POC1B: variants seen among roughly 807,000 people sequenced by gnomAD.
The protein encoded by POC1B is POC1 centriolar protein B, also known as POC1 centriolar protein homolog B.
POC1B carries 44 observed loss-of-function variants against 60.6 expected under a neutral mutation model. The ratio of observed to expected loss-of-function variants is 0.73; its 90% CI spans 0.57 to 0.93. The LOEUF is 0.93. Ranked by LOEUF, POC1B falls within the 40% of genes least tolerant of loss-of-function variation. The probability of loss-of-function intolerance (pLI) is 0.00; values close to 1 mark genes in which losing one functional copy is unlikely to be tolerated. For missense variants in POC1B, 555 were observed against 572.3 expected, an observed-to-expected ratio of 0.97 and a Z score of 0.31; for synonymous variants, 180 against 198.9, an observed-to-expected ratio of 0.90 and a Z score of 0.80.
At chr12:89,503,126 C>T (rs527246956) in intron 2 of POC1B, among the ~76,000 whole-genome samples, 12 of 138,952 alleles carry the variant, frequency 8.6e-5, no homozygotes, top group African/African-American at 2.8e-4. Flanking sequence ...CCCACGGTCT[C>T]CCTCTCCCTC....
intron 2 of POC1B, among the ~76,000 whole-genome samples, chr12:89,499,930 C>CT (rs1869462904): frequency 6.6e-6 from 1 of 152,244 alleles, no homozygotes; most frequent in African/African-American, 2.4e-5. Context: ...TGGCGCACGC[C>CT]TTCCAGATCG....
At chr12:89,525,771 G>A (rs1871422344) in intron 1 of POC1B, 110 bp downstream of exon 1, 2 of 1,365,368 alleles carry the variant, frequency 1.5e-6, no homozygotes, top group African/African-American at 3.0e-5. Context: ...ACCCGGCTAC[G>A]GACACCTGCC....
intron 2 of POC1B, chr12:89,523,517 C>A (rs1178273799): frequency 1.2e-6 from 2 of 1,608,612 alleles, no homozygotes; most frequent in South Asian, 1.1e-5. Context: ...CACTGCCACA[C>A]CCTAAAAGAC....
intron 2 of POC1B, chr12:89,501,033 AG>A (rs370613486): frequency 3.1e-5 from 32 of 1,036,270 alleles, no homozygotes; most frequent in Middle Eastern, 2.6e-4. Flanking sequence ...GTCAGATCAA[AG>A]TTTTGCCAGT....
At chr12:89,407,412 T>C in the POC1B span, among the ~76,000 whole-genome samples, 3 of 151,852 alleles carry the variant, frequency 2.0e-5, no homozygotes, top group Non-Finnish European at 4.4e-5. Flanking sequence ...TTTTTTTGTA[T>C]TTTTAGTAGA....
chr12:89,402,769 T>C, the POC1B span, among the ~76,000 whole-genome samples: 1 of 152,212 alleles, frequency 6.6e-6, no homozygotes, highest in African/African-American at 2.4e-5. Context: ...AGACAAGGTC[T>C]CGCTCTTTCA....
the POC1B span, among the ~76,000 whole-genome samples, chr12:89,402,725 G>C: frequency 7.2e-5 from 11 of 152,104 alleles, no homozygotes; most frequent in Non-Finnish European, 1.5e-5. Context: ...TGGTTGCATA[G>C]TATTCTATGG....
At chr12:89,467,558 T>C in intron 8 of POC1B, 59 bp downstream of exon 8, 2 of 1,397,726 alleles carry the variant, frequency 1.4e-6, no homozygotes, top group South Asian at 2.5e-5. Flanking sequence ...AACTCTTAGC[T>C]GAGGTCAAGG....
downstream of POC1B, among the ~76,000 whole-genome samples, chr12:89,415,930 C>T (rs1356757875): frequency 3.3e-5 from 5 of 152,208 alleles, no homozygotes; most frequent in Non-Finnish European, 5.9e-5. Context: ...CCCACTTAGC[C>T]CCAAATATCG....
chr12:89,511,212 C>G (rs1001450101), intron 2 of POC1B, among the ~76,000 whole-genome samples: 10 of 151,852 alleles, frequency 6.6e-5, no homozygotes, highest in Non-Finnish European at 1.5e-4. Context: ...CACCTGAGGT[C>G]AGGAGTTCGA....
chr12:89,413,243 T>C, the POC1B span, among the ~76,000 whole-genome samples: 2 of 152,152 alleles, frequency 1.3e-5, no homozygotes, highest in African/African-American at 4.8e-5. Flanking sequence ...TCTCACTATG[T>C]CACCCAGGCT....
chr12:89,452,225 A>G (rs921932857), intron 10 of POC1B, among the ~76,000 whole-genome samples: 4 of 152,098 alleles, frequency 2.6e-5, no homozygotes, highest in African/African-American at 9.7e-5. Flanking sequence ...GACAGTCGGT[A>G]TTACTGCAGT....
In POC1B at chr12:89,503,146, A is replaced by G. The variant is rs1374256483; in HGVS notation, c.101-5804T>C. On this transcript the variant is annotated intron_variant, in intron 2 of 11. Transcript: ENST00000313546. ...GGTCTCCCTCTCCCTCTCTTTCCACAGTCTCCCTCTGATGCCCAGCCGAAG... is the reference window on the plus strand; with the variant it reads ...GGTCTCCCTCTCCCTCTCTTTCCACGGTCTCCCTCTGATGCCCAGCCGAAG... Among the ~76,000 whole-genome samples, 9 of 151,576 alleles carry G rather than the reference A, an allele frequency of 5.9e-5. No homozygotes were observed. In the East Asian group the frequency reaches 1.6e-3, roughly 26 times the overall value.
At chr12:89,518,974 G>C (rs1422768563) in intron 2 of POC1B, among the ~76,000 whole-genome samples, 1 of 152,174 alleles carries the variant, frequency 6.6e-6, no homozygotes, top group Non-Finnish European at 1.5e-5. Flanking sequence ...AGAGACAGGG[G>C]TATAGGGATT....
chr12:89,499,865 T>C (rs1467719286), intron 2 of POC1B, among the ~76,000 whole-genome samples: 2 of 152,256 alleles, frequency 1.3e-5, no homozygotes, highest in African/African-American at 4.8e-5. Context: ...AACACTGCTT[T>C]AAAAAGACAT....
intron 10 of POC1B, among the ~76,000 whole-genome samples, chr12:89,435,179 CT>C (rs56061239): frequency 0.65 from 73,544 of 113,436 alleles, 22,302 homozygotes; most frequent in South Asian, 0.72. Context: ...GAATGACATT[CT>C]TTTTTTTTTT....
At chr12:89,464,822 A>G (rs1882625286) in intron 9 of POC1B, among the ~76,000 whole-genome samples, 1 of 151,834 alleles carries the variant, frequency 6.6e-6, no homozygotes, top group African/African-American at 2.4e-5. Context: ...AAAAAAAGAA[A>G]CAATTACAAC....
intron 10 of POC1B, among the ~76,000 whole-genome samples, chr12:89,450,773 C>T (rs1882006937): frequency 6.6e-6 from 1 of 152,080 alleles, no homozygotes; most frequent in South Asian, 2.1e-4. Flanking sequence ...GTTGTTATTA[C>T]AAACAGTATT....
chr12:89,522,120 T>G, intron 2 of POC1B: 1 of 398,990 alleles, frequency 2.5e-6, no homozygotes, highest in Non-Finnish European at 4.4e-6. Context: ...TATTAATATA[T>G]ACATCAGTGA....
Sources: gnomAD v4.1 joint callset for allele counts (sites outside exome capture counted in the v4.1 genomes callset) on GRCh38, gnomAD v4.1.1 for gene constraint, MANE v1.5 for transcripts, NCBI Gene and HGNC (gene_info 2026-07-23, HGNC 2026-07-21) for gene names.